LRP2: variants seen among roughly 807,000 people sequenced by gnomAD.
LRP2 encodes the protein LDL receptor related protein 2, also known as low-density lipoprotein receptor-related protein 2.
In LRP2, 172 loss-of-function variants were observed where a neutral mutation model predicts 531.0. The observed-to-expected ratio is 0.32, with a 90% CI of 0.29 to 0.37. LRP2 has a LOEUF of 0.37. Among genes scored for constraint, LRP2 ranks in the 10% least tolerant of loss-of-function variants. LRP2 has a pLI of 1.00. For missense variants in LRP2, 5,167 were observed against 5,868.3 expected, an observed-to-expected ratio of 0.88 and a Z score of 3.90; for synonymous variants, 1,992 against 2,027.6, an observed-to-expected ratio of 0.98 and a Z score of 0.47.
At chr2:169,327,520 G>C (rs1455563860) in intron 1 of LRP2, among the ~76,000 whole-genome samples, 1 of 118,838 alleles carries the variant, frequency 8.4e-6, no homozygotes, top group Non-Finnish European at 1.8e-5. Context: ...CAGCCGCCCC[G>C]TCCGGGAGGG....
intron 68 of LRP2, 109 bp from the exon 69 acceptor site, chr2:169,147,068 C>A: frequency 1.1e-6 from 1 of 869,726 alleles, no homozygotes; most frequent in Non-Finnish European, 1.9e-6. Context: ...TCTCAGGGAC[C>A]TGGGTGCTCA....
chr2:169,237,202 T>C lies in LRP2; in HGVS notation c.4592A>G (p.Glu1531Gly). The C allele has an allele frequency of 6.2e-7, 1 of 1,613,944 alleles. No homozygotes were observed. Among genetic ancestry groups the C allele is most frequent in the Non-Finnish European group, 8.5e-7 (1 of 1,179,828 alleles). Residue 1531 changes from glutamate to glycine, a missense_variant, in exon 28 of 79, where the codon GAA becomes GGA. This residue lies in a region of LRP2 where 2,811 missense variants were observed against 3,058.0 expected (regional missense o/e 0.92). Transcript: ENST00000649046. The stretch of plus-strand genomic sequence containing the variant: ...ATCAATTTTGGAGACTTCAATTGTT[T>C]CCAGAGCATAGTCTGTCCAGTAAAG... ...RNLYWTDYAL[E>G]TIEVSKIDGS...
intron 1 of LRP2, among the ~76,000 whole-genome samples, chr2:169,361,320 GTC>G (rs1221120387): frequency 3.8e-5 from 4 of 106,620 alleles, no homozygotes; most frequent in African/African-American, 1.4e-4. Context: ...CTGTCTCTCT[GTC>G]TCTCTCTGTC....
intron 1 of LRP2, among the ~76,000 whole-genome samples, chr2:169,325,141 T>C (rs948176719): frequency 6.6e-6 from 1 of 152,086 alleles, no homozygotes; most frequent in African/African-American, 2.4e-5. Flanking sequence ...TGTAAGTTTC[T>C]TTCTCCTTCC....
intron 1 of LRP2, among the ~76,000 whole-genome samples, chr2:169,361,973 G>A (rs909092394): frequency 6.6e-6 from 1 of 152,228 alleles, no homozygotes; most frequent in Non-Finnish European, 1.5e-5. Flanking sequence ...CCGCTAGGGA[G>A]GGCAGGCTGC....
intron 68 of LRP2, among the ~76,000 whole-genome samples, chr2:169,148,501 C>T (rs928440087): frequency 3.3e-5 from 5 of 151,926 alleles, no homozygotes; most frequent in Non-Finnish European, 2.9e-5. Flanking sequence ...GATAATAAGC[C>T]AGGCATGGTG....
chr2:169,310,515 G>A (rs1480230627), intron 3 of LRP2, among the ~76,000 whole-genome samples: 11 of 152,100 alleles, frequency 7.2e-5, no homozygotes, highest in South Asian at 2.1e-4. Flanking sequence ...ATTGATTTGC[G>A]TATGTTGAAC....
chr2:169,272,928 A>G lies in LRP2; in HGVS notation c.2115T>C (p.Ile705=). 6.2e-7 allele frequency: 1 copy of G among 1,613,636 alleles called. No homozygotes were observed. ...CAACGTCCAAAACAGACTTCTTACCAATGCAGTGGCGCTCATCTGTATCCA... is the reference window on the plus strand; with the variant it reads ...CAACGTCCAAAACAGACTTCTTACCGATGCAGTGGCGCTCATCTGTATCCA... ...FQLDTDERHC[I]AVQNFLIFSS... Residue 705 remains isoleucine, a splice_region_variant and synonymous_variant, in exon 15 of 79, where the codon ATT becomes ATC. Coordinates refer to ENST00000649046, the MANE Select transcript of LRP2 (RefSeq NM_004525.3).
chr2:169,235,817 G>C, intron 29 of LRP2, 23 bp downstream of exon 29: 1 of 1,566,034 alleles, frequency 6.4e-7, no homozygotes, highest in South Asian at 1.1e-5. Context: ...GTTTTAATTT[G>C]GTTTTCCTCA....
intron 53 of LRP2, among the ~76,000 whole-genome samples, chr2:169,177,511 A>G (rs957184877): frequency 6.6e-6 from 1 of 152,324 alleles, no homozygotes; most frequent in South Asian, 2.1e-4. Context: ...TGAAGTAAAT[A>G]TGGCAACATG....
intron 17 of LRP2, among the ~76,000 whole-genome samples, chr2:169,257,836 A>AAAC (rs1553504243): frequency 2.3e-4 from 33 of 143,240 alleles, no homozygotes; most frequent in African/African-American, 7.5e-4. Flanking sequence ...AAAAAAAAAA[A>AAAC]ACACAAAAAA....
Position 169,188,142 on chromosome 2 carries a change from A to G in LRP2, c.9156T>C (p.Asp3052=), listed in dbSNP as rs1212105293. ...GRCISKTFVC[D]EDNDCGDGSD... ...ATCCGTCTCCACAGTCATTATCCTCATCACAGACGAAGGTTTTACTAATGC... is the reference window on the plus strand; with the variant it reads ...ATCCGTCTCCACAGTCATTATCCTCGTCACAGACGAAGGTTTTACTAATGC... The change falls in exon 49 of 79, where the codon GAT becomes GAC. Residue 3052 remains aspartate (D), a synonymous_variant. Transcript: ENST00000649046. 2 of 1,613,918 alleles carry G rather than the reference A, an allele frequency of 1.2e-6. No individual in the cohort carries two copies. The highest frequency in any genetic ancestry group is 2.2e-5 in the South Asian group (2 of 91,062).
chr2:169,237,026 C>A, intron 28 of LRP2, 77 bp downstream of exon 28: 3 of 1,239,070 alleles, frequency 2.4e-6, no homozygotes, highest in Non-Finnish European at 2.4e-6. Context: ...ACATGCATAT[C>A]AGCTACATCA....
At chr2:169,176,293 C>T (rs1687190310) in intron 54 of LRP2, 118 bp downstream of exon 54, 1 of 1,137,394 alleles carries the variant, frequency 8.8e-7, no homozygotes, top group African/African-American at 1.5e-5. Flanking sequence ...TCCACATGAA[C>T]CAAGTTAATT....
chr2:169,269,658 G>A (rs1683345129), intron 16 of LRP2, among the ~76,000 whole-genome samples: 1 of 152,160 alleles, frequency 6.6e-6, no homozygotes, highest in African/African-American at 2.4e-5. Context: ...ACCCTTAGAA[G>A]AAAACCTAGA....
chr2:169,180,731 A>T (rs995109199), intron 52 of LRP2, among the ~76,000 whole-genome samples: 3 of 152,252 alleles, frequency 2.0e-5, no homozygotes, highest in African/African-American at 4.8e-5. Flanking sequence ...CATGCTTCTG[A>T]GTGCAACAGG....
At chr2:169,157,669 T>C (rs1049250652) in intron 63 of LRP2, among the ~76,000 whole-genome samples, 167 bp from the exon 64 acceptor site, 2 of 152,032 alleles carry the variant, frequency 1.3e-5, no homozygotes, top group Non-Finnish European at 2.9e-5. Flanking sequence ...AGGATTCCTA[T>C]TTCTGATCGT....
intron 49 of LRP2, among the ~76,000 whole-genome samples, chr2:169,187,049 T>C (rs1574110136): frequency 6.6e-6 from 1 of 152,148 alleles, no homozygotes; most frequent in East Asian, 1.9e-4. Flanking sequence ...AGCCAGTTTT[T>C]GGATGATTTT....
intron 76 of LRP2, among the ~76,000 whole-genome samples, chr2:169,133,207 A>G (rs1348956061): frequency 6.6e-6 from 1 of 152,268 alleles, no homozygotes; most frequent in African/African-American, 2.4e-5. Context: ...GATGAGAATG[A>G]TAGAATTAAT....
Sources: gnomAD v4.1 joint callset for allele counts (sites outside exome capture counted in the v4.1 genomes callset) on GRCh38, gnomAD v4.1.1 for gene constraint, gnomAD v4.1.1 regional missense constraint, MANE v1.5 for transcripts, NCBI Gene and HGNC (gene_info 2026-07-23, HGNC 2026-07-21) for gene names.